Variants in MARCHF8 observed in about 807,000 individuals in gnomAD.
The protein encoded by MARCHF8 is E3 ubiquitin-protein ligase MARCHF8.
MARCHF8 carries 40 observed loss-of-function variants against 51.6 expected under a neutral mutation model. That is an observed-to-expected ratio of 0.77 (90% CI 0.60 to 1.01). MARCHF8 has a LOEUF of 1.01. Among genes scored for constraint, MARCHF8 ranks in the 50% least tolerant of loss-of-function variants. The probability of loss-of-function intolerance (pLI) is 0.00; values close to 1 mark genes in which losing one functional copy is unlikely to be tolerated. For synonymous variants in MARCHF8, 263 were observed against 280.3 expected, an observed-to-expected ratio of 0.94 and a Z score of 0.62; for missense variants, 685 against 708.6, an observed-to-expected ratio of 0.97 and a Z score of 0.38.
chr10:45,517,611 G>A (rs748254167), intron 2 of MARCHF8, among the ~76,000 whole-genome samples: 12 of 152,190 alleles, frequency 7.9e-5, no homozygotes, highest in Admixed American at 2.0e-4. Context: ...AACAGATGCC[G>A]GTGTCAGGCT....
At chr10:45,460,447 T>A (rs1370707284) in intron 6 of MARCHF8, among the ~76,000 whole-genome samples, 1 of 152,268 alleles carries the variant, frequency 6.6e-6, no homozygotes, top group African/African-American at 2.4e-5. Context: ...CTTTTCTGAA[T>A]GACTGTTATG....
intron 1 of MARCHF8, among the ~76,000 whole-genome samples, chr10:45,555,321 G>A (rs947523769): frequency 2.7e-5 from 4 of 148,414 alleles, no homozygotes; most frequent in African/African-American, 1.1e-4. Flanking sequence ...CTACCTGGGA[G>A]GGTAAGGAGA....
At chr10:45,568,369 C>T (rs1335263877) in intron 1 of MARCHF8, among the ~76,000 whole-genome samples, 7 of 152,100 alleles carry the variant, frequency 4.6e-5, no homozygotes, top group Admixed American at 3.9e-4. Context: ...GCAAGGGTGT[C>T]CAATTTTCGG....
intron 2 of MARCHF8, among the ~76,000 whole-genome samples, chr10:45,524,553 C>T (rs1266909532): frequency 6.6e-6 from 1 of 152,168 alleles, no homozygotes; most frequent in East Asian, 1.9e-4. Context: ...CCTAACCAGA[C>T]AGTAATCTGC....
At chr10:45,586,415 G>C (rs1215626032) in intron 1 of MARCHF8, among the ~76,000 whole-genome samples, 1 of 152,090 alleles carries the variant, frequency 6.6e-6, no homozygotes, top group African/African-American at 2.4e-5. Flanking sequence ...TCCCATTGCA[G>C]ACTTGTTGAA....
rs559024697 is a variant in MARCHF8, at chr10:45,567,901, C to A, written c.-79+26334G>T. ...TATGGACATTTTAACAATACTGATTCTTCCAATCCATGAACATGTAATATT... is the reference window on the plus strand; with the variant it reads ...TATGGACATTTTAACAATACTGATTATTCCAATCCATGAACATGTAATATT... On this transcript the variant is annotated intron_variant, in intron 1 of 6. Transcript: ENST00000319836. Among the ~76,000 whole-genome samples the A allele has an allele frequency of 1.4e-4, 22 of 152,284 alleles. No homozygotes were observed. The South Asian group carries it at 1.9e-3, about 13-fold the overall frequency.
intron 2 of MARCHF8, among the ~76,000 whole-genome samples, chr10:45,528,365 A>C (rs1306113613): frequency 6.6e-6 from 1 of 152,262 alleles, no homozygotes; most frequent in East Asian, 1.9e-4. Flanking sequence ...AGACTCCTCC[A>C]AAACACTCGT....
At chr10:45,556,712 T>A (rs2133353851) in intron 1 of MARCHF8, among the ~76,000 whole-genome samples, 1 of 152,338 alleles carries the variant, frequency 6.6e-6, no homozygotes, top group East Asian at 1.9e-4. Flanking sequence ...TTTCTCTGAA[T>A]TATCAACTTA....
At chr10:45,489,055 T>G (rs565458859) in intron 3 of MARCHF8, among the ~76,000 whole-genome samples, 3 of 152,284 alleles carry the variant, frequency 2.0e-5, no homozygotes, top group Non-Finnish European at 2.9e-5. Context: ...TTCTGTTACT[T>G]TCAGTCAAAT....
chr10:45,480,983 G>A (rs1203257763), intron 3 of MARCHF8, among the ~76,000 whole-genome samples: 5 of 152,250 alleles, frequency 3.3e-5, no homozygotes, highest in African/African-American at 1.2e-4. Context: ...GCCAGGAGGT[G>A]GGCTATACCC....
chr10:45,491,926 T>C (rs2043087383), intron 2 of MARCHF8, among the ~76,000 whole-genome samples: 2 of 152,238 alleles, frequency 1.3e-5, no homozygotes, highest in African/African-American at 2.4e-5. Flanking sequence ...CAATAAATCA[T>C]ATCCTCAGAC....
chr10:45,557,566 A>T (rs2044266569), intron 1 of MARCHF8, among the ~76,000 whole-genome samples: 1 of 152,198 alleles, frequency 6.6e-6, no homozygotes, highest in Non-Finnish European at 1.5e-5. Flanking sequence ...TCAAATAGAA[A>T]ACAACCAGTC....
chr10:45,541,011 C>T (rs962352058), intron 1 of MARCHF8, among the ~76,000 whole-genome samples: 15 of 152,106 alleles, frequency 9.9e-5, no homozygotes, highest in African/African-American at 3.4e-4. Flanking sequence ...GTCAGTGTGG[C>T]GATTCCCCAG....
chr10:45,575,869 C>T (rs1027822551), intron 1 of MARCHF8, among the ~76,000 whole-genome samples: 4 of 152,144 alleles, frequency 2.6e-5, no homozygotes, highest in Non-Finnish European at 5.9e-5. Context: ...CTCATCCTGG[C>T]TCGAAAGCTC....
intron 1 of MARCHF8, among the ~76,000 whole-genome samples, chr10:45,566,872 T>C (rs566230898): frequency 4.3e-4 from 66 of 152,292 alleles, no homozygotes; most frequent in African/African-American, 1.4e-3. Context: ...CTGTTCTCCA[T>C]AGTGGTTATA....
Position 45,470,751 on chromosome 10 carries a change from C to T in MARCHF8, c.154-6424G>A, listed in dbSNP as rs186192108. On this transcript the variant is annotated intron_variant, in intron 3 of 7. Transcript: ENST00000453424. Reference sequence around the variant, plus strand: ...ATAGGGATCTGCTCCTAACGGTCAACTCGGCAGGCCTGACTTCATACCACA... The same window carrying T: ...ATAGGGATCTGCTCCTAACGGTCAATTCGGCAGGCCTGACTTCATACCACA... Among the ~76,000 whole-genome samples the T allele has an allele frequency of 1.5e-3, 228 of 152,304 alleles. 2 individuals are homozygous for T. Among genetic ancestry groups the T allele is most frequent in the African/African-American group, 4.1e-3 (172 of 41,556 alleles).
chr10:45,469,636 C>A lies in MARCHF8; in HGVS notation c.154-5309G>T, dbSNP rs369564421. On this transcript the variant is annotated intron_variant, in intron 3 of 7. Transcript: ENST00000453424. Reference sequence around the variant, plus strand: ...ATCCCAGCACTTTGGGGGGCCGAGGCGGGCGGATCACGAGGTCAGGAGATC... The same window carrying A: ...ATCCCAGCACTTTGGGGGGCCGAGGAGGGCGGATCACGAGGTCAGGAGATC... 2.0e-5 allele frequency among the ~76,000 whole-genome samples: 3 copies of A among 152,114 alleles called. No individual in the cohort carries two copies. In the East Asian group the frequency reaches 5.8e-4, roughly 29 times the overall value.
At chr10:45,502,486 C>T (rs536883531) in intron 2 of MARCHF8, among the ~76,000 whole-genome samples, 1 of 152,226 alleles carries the variant, frequency 6.6e-6, no homozygotes, top group East Asian at 1.9e-4. Context: ...TACAAGAAAC[C>T]TATGCCCAGG....
chr10:45,558,475 G>A (rs1033983683), intron 1 of MARCHF8, among the ~76,000 whole-genome samples: 3 of 152,154 alleles, frequency 2.0e-5, no homozygotes, highest in Non-Finnish European at 4.4e-5. Flanking sequence ...TTCTCAAAAG[G>A]CTCTGAAGAA....
Sources: gnomAD v4.1 joint callset for allele counts (sites outside exome capture counted in the v4.1 genomes callset) on GRCh38, gnomAD v4.1.1 for gene constraint, MANE v1.5 for transcripts, NCBI Gene and HGNC (gene_info 2026-07-23, HGNC 2026-07-21) for gene names.